Variants in AKAP6 observed in about 807,000 individuals in gnomAD.
AKAP6 encodes A-kinase anchor protein 6.
A neutral mutation model predicts 188.5 loss-of-function variants in AKAP6; 58 were observed. The observed-to-expected ratio is 0.31, with a 90% CI of 0.25 to 0.38. AKAP6 has a LOEUF of 0.38. AKAP6 is among the 10% of genes least tolerant of loss of function. The pLI is 1.00. For missense variants in AKAP6, 2,710 were observed against 2,740.0 expected, an observed-to-expected ratio of 0.99 and a Z score of 0.24; for synonymous variants, 989 against 998.6, an observed-to-expected ratio of 0.99 and a Z score of 0.18.
At chr14:32,718,470 C>T (rs187598441) in intron 9 of AKAP6, among the ~76,000 whole-genome samples, 13 of 152,224 alleles carry the variant, frequency 8.5e-5, no homozygotes, top group Non-Finnish European at 1.5e-4. Flanking sequence ...ATACTGGTAT[C>T]GGAACTAAAA....
chr14:32,522,468 C>A (rs1321602826), intron 2 of AKAP6, among the ~76,000 whole-genome samples: 1 of 150,840 alleles, frequency 6.6e-6, no homozygotes, highest in African/African-American at 2.4e-5. Flanking sequence ...CCAGAATCTA[C>A]AAAGAACTTA....
chr14:32,745,119 A>C (rs757895581), intron 11 of AKAP6, among the ~76,000 whole-genome samples: 1 of 152,016 alleles, frequency 6.6e-6, no homozygotes, highest in Non-Finnish European at 1.5e-5. Context: ...TATTTAGTTC[A>C]TTTGGTGAGG....
At chr14:32,418,552 G>A (rs554631385) in intron 1 of AKAP6, among the ~76,000 whole-genome samples, 47 of 152,216 alleles carry the variant, frequency 3.1e-4, no homozygotes, top group African/African-American at 8.2e-4. Flanking sequence ...TCAGCATTCC[G>A]TCCCTTATAT....
chr14:32,784,008 TTGGAA>T (rs1218112654), intron 12 of AKAP6, among the ~76,000 whole-genome samples: 1 of 152,208 alleles, frequency 6.6e-6, no homozygotes, highest in East Asian at 1.9e-4. Flanking sequence ...TCAATATATT[TTGGAA>T]AATTATGGAT....
intron 1 of AKAP6, among the ~76,000 whole-genome samples, chr14:32,391,287 G>T (rs374162419): frequency 7.2e-5 from 11 of 152,126 alleles, no homozygotes; most frequent in Non-Finnish European, 1.5e-4. Flanking sequence ...GTGTCTCTGC[G>T]CTTGTCTTAT....
intron 1 of AKAP6, among the ~76,000 whole-genome samples, chr14:32,365,926 C>T (rs2138503485): frequency 6.6e-6 from 1 of 152,154 alleles, no homozygotes; most frequent in East Asian, 1.9e-4. Flanking sequence ...GCAGTTAGTC[C>T]ACCTCTCTCC....
chr14:32,776,052 AG>A (rs1462963030), intron 12 of AKAP6, among the ~76,000 whole-genome samples: 2 of 152,232 alleles, frequency 1.3e-5, no homozygotes, highest in Non-Finnish European at 2.9e-5. Context: ...TGAAGAGTCC[AG>A]GTTGCTTTGA....
intron 1 of AKAP6, among the ~76,000 whole-genome samples, chr14:32,407,419 C>T (rs2138636263): frequency 6.6e-6 from 1 of 152,238 alleles, no homozygotes; most frequent in African/African-American, 2.4e-5. Context: ...GAGGAGATCC[C>T]CACACAGGCT....
intron 12 of AKAP6, 189 bp downstream of exon 12, chr14:32,774,082 A>G: frequency 1.6e-6 from 1 of 606,242 alleles, no homozygotes. Context: ...TGTCCACTAA[A>G]TGAAACTCCA....
chr14:32,678,913 C>T (rs1250773235), intron 8 of AKAP6, among the ~76,000 whole-genome samples: 2 of 152,168 alleles, frequency 1.3e-5, no homozygotes, highest in Non-Finnish European at 2.9e-5. Flanking sequence ...AGACCATGGG[C>T]TAGCCACTTA....
At chr14:32,408,703 T>A (rs934690437) in intron 1 of AKAP6, among the ~76,000 whole-genome samples, 1 of 86,074 alleles carries the variant, frequency 1.2e-5, no homozygotes, top group African/African-American at 3.0e-5. Context: ...TCTAGAAATA[T>A]CTCCAAGTAG....
At chr14:32,462,771 C>T (rs1015528550) in intron 2 of AKAP6, among the ~76,000 whole-genome samples, 4 of 151,738 alleles carry the variant, frequency 2.6e-5, no homozygotes, top group Admixed American at 1.3e-4. Context: ...AATTAAAAGA[C>T]ACAGACTAAC....
chr14:32,826,346 T>C (rs1301470201), intron 13 of AKAP6, among the ~76,000 whole-genome samples: 5 of 152,202 alleles, frequency 3.3e-5, no homozygotes, highest in African/African-American at 4.8e-5. Context: ...GTGAAACATG[T>C]CCACCCTATA....
intron 11 of AKAP6, among the ~76,000 whole-genome samples, chr14:32,762,341 A>G (rs767176347): frequency 8.5e-5 from 13 of 152,110 alleles, no homozygotes; most frequent in Non-Finnish European, 1.8e-4. Flanking sequence ...ATTGTTTTAT[A>G]TGTCTGGAAT....
chr14:32,694,833 G>A lies in AKAP6; in HGVS notation c.2880-1157G>A, dbSNP rs187382081. Among the ~76,000 whole-genome samples the A allele has an allele frequency of 3.3e-3, 504 of 151,656 alleles. 1 individual carries two copies. Among genetic ancestry groups the A allele is most frequent in the Non-Finnish European group, 5.5e-3 (373 of 67,848 alleles). On this transcript the variant is annotated intron_variant, in intron 8 of 13. Coordinates refer to ENST00000280979, the MANE Select transcript of AKAP6 (RefSeq NM_004274.5). ...TTTTCACGGAAAGCAGTCGTTTAAT[G>A]TACAGAGACAAGAACAGGTAGTAAT...
chr14:32,652,105 C>T (rs1441641879), intron 7 of AKAP6, among the ~76,000 whole-genome samples: 1 of 152,122 alleles, frequency 6.6e-6, no homozygotes, highest in Non-Finnish European at 1.5e-5. Flanking sequence ...GTTCCATGCT[C>T]AATTGACTCT....
intron 1 of AKAP6, among the ~76,000 whole-genome samples, chr14:32,386,842 G>C (rs937482412): frequency 6.6e-6 from 1 of 152,070 alleles, no homozygotes; most frequent in African/African-American, 2.4e-5. Flanking sequence ...AATTACCCCA[G>C]CACCATTTGT....
intron 2 of AKAP6, among the ~76,000 whole-genome samples, chr14:32,454,749 T>TTCCCTCCCTCCCTCCC (rs1566512336): frequency 3.4e-4 from 1 of 2,916 alleles, no homozygotes; most frequent in Non-Finnish European, 5.9e-4. Flanking sequence ...CCCTCCCTCC[T>TTCCCTCCCTCCCTCCC]TCCCTCCCTC....
intron 1 of AKAP6, among the ~76,000 whole-genome samples, chr14:32,424,561 G>T (rs1252386592): frequency 4.6e-5 from 7 of 152,026 alleles, no homozygotes; most frequent in African/African-American, 1.4e-4. Context: ...AGGAAAATTT[G>T]TGTCATTGGG....
Sources: allele counts gnomAD v4.1 joint callset (sites outside exome capture counted in the v4.1 genomes callset), GRCh38; gene constraint gnomAD v4.1.1; transcripts MANE v1.5; gene names NCBI Gene and HGNC (gene_info 2026-07-23, HGNC 2026-07-21).